The following LITAF variants were observed in gnomAD, a reference collection of about 807,000 sequenced individuals.
The protein encoded by LITAF is lipopolysaccharide-induced tumor necrosis factor-alpha factor.
A neutral mutation model predicts 14.5 loss-of-function variants in LITAF; 9 were observed. The observed-to-expected ratio is 0.62, with a 90% CI of 0.37 to 1.08. The LOEUF (loss-of-function observed/expected upper bound fraction) is 1.08, where lower values mean the gene tolerates loss of function less well. Among genes scored for constraint, LITAF ranks in the 50% least tolerant of loss-of-function variants. LITAF has a pLI of 0.01. For synonymous variants in LITAF, 98 were observed against 88.2 expected, an observed-to-expected ratio of 1.11 and a Z score of -0.62; for missense variants, 206 against 213.4, an observed-to-expected ratio of 0.97 and a Z score of 0.22.
chr16:11,595,340 G>C (rs1861668), intron 1 of LITAF, among the ~76,000 whole-genome samples: 63,895 of 151,986 alleles, frequency 0.42, 14,546 homozygotes, highest in African/African-American at 0.6. Flanking sequence ...CTGGCCAAAC[G>C]CTTTGTTTCT....
chr16:11,561,246 T>C (rs1312205713), intron 1 of LITAF: 3 of 152,234 alleles, frequency 2.0e-5, no homozygotes, highest in Non-Finnish European at 4.4e-5. Context: ...TGGGGCATCC[T>C]AAACCTCCAA....
intron 1 of LITAF, among the ~76,000 whole-genome samples, chr16:11,593,645 C>T (rs1478992972): frequency 6.6e-6 from 1 of 152,008 alleles, no homozygotes; most frequent in Non-Finnish European, 1.5e-5. Flanking sequence ...GAGTATTGAC[C>T]ATAAAAGAAT....
At chr16:11,563,365 G>C (rs897056802) in intron 1 of LITAF, among the ~76,000 whole-genome samples, 1 of 152,064 alleles carries the variant, frequency 6.6e-6, no homozygotes, top group Non-Finnish European at 1.5e-5. Flanking sequence ...GGCCAGGCTG[G>C]TCTCAAACTC....
rs1318808835 is a variant in LITAF at position 11,632,991 on chromosome 16, G to A, written c.85+542C>T. Among the ~76,000 whole-genome samples, 1 of 152,172 alleles carries A rather than the reference G, an allele frequency of 6.6e-6. No individual in the cohort carries two copies. Among genetic ancestry groups the A allele is most frequent in the Non-Finnish European group, 1.5e-5 (1 of 68,028 alleles). On this transcript the variant is annotated intron_variant, in intron 3 of 3. Transcript: ENST00000574848. The surrounding 1 kb of genome is among the most constrained non-coding windows in gnomAD (Gnocchi z 4.8). ...TTGCTGTCTTAGATAGGAAAGGACG[G>A]CCTGGGATCCTGCACCCATGATACC... is the stretch of plus-strand genomic sequence containing the variant.
intron 1 of LITAF, among the ~76,000 whole-genome samples, chr16:11,581,677 G>A (rs1253611987): frequency 1.3e-5 from 2 of 152,038 alleles, no homozygotes; most frequent in Non-Finnish European, 2.9e-5. Flanking sequence ...TAAGTGGGGG[G>A]TAAAGGAGAG....
chr16:11,594,167 C>T lies in LITAF; in HGVS notation c.-6+4221G>A, dbSNP rs866247888. 6.2e-5 allele frequency among the ~76,000 whole-genome samples: 9 copies of T among 146,264 alleles called. No homozygotes were observed. In the South Asian group the frequency reaches 1.5e-3, roughly 24 times the overall value. ...CGCCACTGCACTTCAGCCTGGGTGA[C>T]AAAGTGAGACCCTGTCTCGAAAAAA... On this transcript the variant is annotated intron_variant, in intron 1 of 3. Transcript: ENST00000571627.
intron 1 of LITAF, among the ~76,000 whole-genome samples, chr16:11,571,958 G>T (rs1035805995): frequency 6.6e-6 from 1 of 151,872 alleles, no homozygotes; most frequent in Non-Finnish European, 1.5e-5. Context: ...GCGTGGTGGT[G>T]CGCACCTGTA....
In LITAF at chr16:11,562,730, C is replaced by T. The variant is rs77525967; in HGVS notation, c.-5-5995G>A. ...TGGGAAACAAATTCAGACCATGTCT[C>T]TACAAATGGTACAAAAATTAGCCGG... On this transcript the variant is annotated intron_variant, in intron 1 of 3. Coordinates refer to ENST00000622633, the MANE Select transcript of LITAF (RefSeq NM_001136472.2). Among the ~76,000 whole-genome samples, 251 of 152,190 alleles carry T rather than the reference C, an allele frequency of 1.6e-3. 1 individual carries two copies. The highest frequency in any genetic ancestry group is 6.8e-3 in the Middle Eastern group (2 of 294).
At chr16:11,629,495 G>A (rs1350185783) in intron 3 of LITAF, among the ~76,000 whole-genome samples, 3 of 152,104 alleles carry the variant, frequency 2.0e-5, no homozygotes, top group Non-Finnish European at 2.9e-5. Flanking sequence ...GGGCCCTGCT[G>A]AGGACCTGTC....
intron 3 of LITAF, among the ~76,000 whole-genome samples, chr16:11,616,399 G>A (rs184391725): frequency 1.3e-5 from 2 of 151,854 alleles, no homozygotes; most frequent in Admixed American, 1.3e-4. Flanking sequence ...ATTGCTTGAG[G>A]CTAGGAGGTT....
intron 3 of LITAF, among the ~76,000 whole-genome samples, chr16:11,622,787 A>T (rs2065058992): frequency 6.6e-6 from 1 of 152,046 alleles, no homozygotes; most frequent in South Asian, 2.1e-4. Context: ...TAAACTGTGG[A>T]ATATGCTTAG....
chr16:11,604,857 C>T (rs559810676), intron 3 of LITAF, among the ~76,000 whole-genome samples: 86 of 151,438 alleles, frequency 5.7e-4, no homozygotes, highest in African/African-American at 9.0e-4. Flanking sequence ...GCCCCTGAAA[C>T]GCTGCGTCAA....
At position 11,549,004 on chromosome 16, in the gene LITAF, G is replaced by C. The variant is rs556174467; in HGVS notation, c.*633C>G. 2.2e-6 allele frequency: 1 copy of C among 453,804 alleles called. No individual in the cohort carries two copies. Among genetic ancestry groups the C allele is most frequent in the East Asian group, 7.0e-5 (1 of 14,388 alleles). 28.1% of individuals were successfully genotyped at this position (453,804 alleles called of 1,614,324 possible). ...CCCTATTTTTCTAGCATGCATTTAC[G>C]ACCTTGTGGATATGTCTGTACTGGG... On this transcript the variant is annotated 3_prime_UTR_variant, in exon 4 of 4. Coordinates refer to ENST00000622633, the MANE Select transcript of LITAF (RefSeq NM_001136472.2). The surrounding 1 kb of genome is among the most constrained non-coding windows in gnomAD (Gnocchi z 4.6).
At chr16:11,598,104 G>A (rs937526774) in intron 1 of LITAF, among the ~76,000 whole-genome samples, 1 of 152,002 alleles carries the variant, frequency 6.6e-6, no homozygotes, top group Non-Finnish European at 1.5e-5. Context: ...GGGTTTCCCA[G>A]GCTAATCTTA....
At chr16:11,640,018 C>G (rs1298787449), upstream of LITAF, among the ~76,000 whole-genome samples, 4 of 152,172 alleles carry the variant, frequency 2.6e-5, no homozygotes. Flanking sequence ...AAGCAATCCA[C>G]CTGCCTTAGC....
intron 1 of LITAF, among the ~76,000 whole-genome samples, chr16:11,562,726 G>C (rs1403573861): frequency 6.6e-6 from 1 of 152,016 alleles, no homozygotes; most frequent in African/African-American, 2.4e-5. Context: ...TTCAGACCAT[G>C]TCTCTACAAA....
chr16:11,580,836 C>T (rs1290734997), intron 1 of LITAF, among the ~76,000 whole-genome samples: 1 of 152,186 alleles, frequency 6.6e-6, no homozygotes, highest in Non-Finnish European at 1.5e-5. Flanking sequence ...ACTATCTCGG[C>T]TCACTGCAGC....
At chr16:11,623,151 A>G (rs903803057) in intron 3 of LITAF, among the ~76,000 whole-genome samples, 2 of 150,966 alleles carry the variant, frequency 1.3e-5, no homozygotes, top group Admixed American at 6.6e-5. Context: ...TTTAGTAGAG[A>G]CGGGTTTCAC....
At chr16:11,590,997 T>C (rs1386378080), upstream of LITAF, among the ~76,000 whole-genome samples, 2 of 117,520 alleles carry the variant, frequency 1.7e-5, 1 homozygote, top group Non-Finnish European at 3.4e-5. Context: ...CCTTCCAAAT[T>C]GCTGGGCTTT....
Sources: gnomAD v4.1 joint callset for allele counts (sites outside exome capture counted in the v4.1 genomes callset) on GRCh38, gnomAD v4.1.1 for gene constraint, Gnocchi (gnomAD v3.1) non-coding constraint, MANE v1.5 for transcripts, NCBI Gene and HGNC (gene_info 2026-07-23, HGNC 2026-07-21) for gene names.